The following TFDP2 variants were observed in gnomAD, a reference collection of about 807,000 sequenced individuals.
TFDP2 encodes transcription factor Dp-2 (E2F dimerization partner 2).
TFDP2 carries 17 observed loss-of-function variants against 59.3 expected under a neutral mutation model. That is an observed-to-expected ratio of 0.29 (90% confidence interval 0.20 to 0.43). TFDP2 has a LOEUF of 0.43. Ranked by LOEUF, TFDP2 falls within the 20% of genes least tolerant of loss-of-function variation. TFDP2 has a pLI of 1.00. For synonymous variants in TFDP2, 180 were observed against 194.7 expected (o/e 0.92, Z 0.63); for missense variants, 391 against 528.8 (o/e 0.74, Z 2.56).
At position 141,949,075 on chromosome 3, in the gene TFDP2, C is replaced by CAAAAAAA. The variant is rs3058539; in HGVS notation, c.*3431_*3437dup. The CAAAAAAA allele has an allele frequency of 1.2e-5, 1 of 85,474 alleles. No homozygotes were observed. Among genetic ancestry groups the CAAAAAAA allele is most frequent in the African/African-American group, 4.7e-5 (1 of 21,486 alleles). 5.3% of individuals were successfully genotyped at this position (85,474 alleles called of 1,614,324 possible). Reference sequence around the variant, plus strand: ...TGGGCAACAGAGCGAGACTCAGTCTCAAAAAAAAAAAAAAAAAAAAAAAAA... The same window carrying CAAAAAAA: ...TGGGCAACAGAGCGAGACTCAGTCTCAAAAAAAAAAAAAAAAAAAAAAAAAAAAAAAA... On this transcript the variant is annotated 3_prime_UTR_variant, in exon 13 of 13. Transcript: ENST00000489671.
At chr3:141,991,487 G>A (rs1403287219) in intron 6 of TFDP2, among the ~76,000 whole-genome samples, 3 of 152,178 alleles carry the variant, frequency 2.0e-5, no homozygotes, top group Non-Finnish European at 2.9e-5. Flanking sequence ...GGCCAGGTGT[G>A]GTGGCTCATG....
At chr3:142,013,673 T>C (rs1262703035) in intron 3 of TFDP2, among the ~76,000 whole-genome samples, 1 of 152,226 alleles carries the variant, frequency 6.6e-6, no homozygotes, top group Non-Finnish European at 1.5e-5. Flanking sequence ...TTATGCCAGA[T>C]CTTGGCACAG....
At chr3:142,066,955 C>T (rs185337986) in intron 3 of TFDP2, among the ~76,000 whole-genome samples, 1 of 152,192 alleles carries the variant, frequency 6.6e-6, no homozygotes, top group East Asian at 1.9e-4. Context: ...ATCCAAAAAC[C>T]ATTCATGTAT....
chr3:142,050,124 G>A (rs1464115846), intron 3 of TFDP2, among the ~76,000 whole-genome samples: 1 of 151,812 alleles, frequency 6.6e-6, no homozygotes, highest in East Asian at 1.9e-4. Flanking sequence ...AAAATTAGCT[G>A]GGCGTGGTGG....
intron 3 of TFDP2, among the ~76,000 whole-genome samples, chr3:142,074,365 T>C (rs1028999408): frequency 6.7e-6 from 1 of 150,004 alleles, no homozygotes; most frequent in African/African-American, 2.5e-5. Context: ...GTTGAGATTA[T>C]ACCACTGCAC....
intron 1 of TFDP2, among the ~76,000 whole-genome samples, chr3:142,147,429 T>C (rs907120): frequency 0.021 from 3,247 of 152,286 alleles, 125 homozygotes; most frequent in African/African-American, 0.073. Flanking sequence ...TCATCAGTTA[T>C]ATTGAGGGCA....
rs1376381115 is a variant in TFDP2, at chr3:142,050,269, A to AT, written c.82+42791_82+42792insA. On this transcript the variant is annotated intron_variant, in intron 3 of 12. Coordinates refer to ENST00000489671, the MANE Select transcript of TFDP2 (RefSeq NM_001178139.2). ...ACAGAGCAAGACTTCATCTCAAAAA[A>AT]AAAAAAATAATAAAAAAAAAAGATC... is the stretch of plus-strand genomic sequence containing the variant. 6.0e-4 allele frequency among the ~76,000 whole-genome samples: 90 copies of AT among 151,068 alleles called. 1 individual carries two copies. The highest frequency in any genetic ancestry group is 2.2e-3 in the African/African-American group (90 of 40,924).
At chr3:142,076,086 C>T (rs1308381624) in intron 3 of TFDP2, among the ~76,000 whole-genome samples, 1 of 151,434 alleles carries the variant, frequency 6.6e-6, no homozygotes, top group African/African-American at 2.4e-5. Context: ...TGGTGCATAC[C>T]TGTAATCCCA....
At chr3:142,092,986 T>A in intron 3 of TFDP2, 75 bp downstream of exon 3, 1 of 968,276 alleles carries the variant, frequency 1.0e-6, no homozygotes, top group Non-Finnish European at 1.5e-6. Flanking sequence ...AAGTAATTCA[T>A]GTAGCTGCAT....
At chr3:141,975,123 A>G (rs1326644117) in intron 7 of TFDP2, among the ~76,000 whole-genome samples, 1 of 151,834 alleles carries the variant, frequency 6.6e-6, no homozygotes, top group Non-Finnish European at 1.5e-5. Flanking sequence ...CATATTGGCC[A>G]GGCTGATCTT....
chr3:142,148,584 G>C (rs1195106384), intron 1 of TFDP2, among the ~76,000 whole-genome samples: 1 of 152,198 alleles, frequency 6.6e-6, no homozygotes, highest in African/African-American at 2.4e-5. Context: ...GCTGGTAAGA[G>C]AGACTGGGGC....
chr3:141,974,238 T>C, intron 7 of TFDP2, 47 bp from the exon 8 acceptor site: 2 of 1,501,344 alleles, frequency 1.3e-6, no homozygotes, highest in South Asian at 1.4e-5. Context: ...AGGGTTAAGA[T>C]ACAGTCACAT....
chr3:142,004,481 C>T (rs1944062670), intron 4 of TFDP2, among the ~76,000 whole-genome samples: 1 of 152,128 alleles, frequency 6.6e-6, no homozygotes, highest in Admixed American at 6.5e-5. Flanking sequence ...AGTACTTTTA[C>T]TAATGGTGGG....
intron 4 of TFDP2, among the ~76,000 whole-genome samples, chr3:141,995,890 A>C (rs1225386884): frequency 9.5e-6 from 1 of 105,034 alleles, no homozygotes; most frequent in Non-Finnish European, 2.1e-5. Flanking sequence ...TTTCAAAAAA[A>C]AAAAAAAAAA....
intron 3 of TFDP2, among the ~76,000 whole-genome samples, chr3:142,049,609 G>A (rs1317066013): frequency 2.0e-5 from 3 of 150,844 alleles, no homozygotes; most frequent in African/African-American, 7.3e-5. Flanking sequence ...AGAGGGCTTA[G>A]CCAGTGTAAT....
Position 142,101,771 on chromosome 3 carries a change from G to T in TFDP2, c.-22C>A. On this transcript the variant is annotated 5_prime_UTR_variant, in exon 2 of 13. Transcript: ENST00000489671. ...TCATGTCAAACTGTATTCTATTTAA[G>T]ATTCTGTAAAGCCATTAAAAAAATA... 1.5e-6 allele frequency: 2 copies of T among 1,301,822 alleles called. No homozygotes were observed. The highest frequency in any genetic ancestry group is 2.0e-6 in the Non-Finnish European group (2 of 989,652). 80.6% of individuals were successfully genotyped at this position (1,301,822 alleles called of 1,614,324 possible).
intron 1 of TFDP2, among the ~76,000 whole-genome samples, chr3:142,103,857 C>T (rs148668133): frequency 7.1e-4 from 108 of 151,656 alleles, no homozygotes; most frequent in African/African-American, 2.5e-3. Context: ...TTTGAATCTA[C>T]AAGTAAAATT....
At chr3:142,043,783 T>C (rs1277905670) in intron 3 of TFDP2, 1 of 1,597,678 alleles carries the variant, frequency 6.3e-7, no homozygotes, top group Non-Finnish European at 8.6e-7. Flanking sequence ...TGCCTTCAGC[T>C]TGTGGATGTG....
chr3:142,069,066 C>T (rs1184651196), intron 3 of TFDP2, among the ~76,000 whole-genome samples: 1 of 152,008 alleles, frequency 6.6e-6, no homozygotes, highest in Admixed American at 6.6e-5. Context: ...CAGGCGCACA[C>T]CACCATGCCT....
Sources: allele counts gnomAD v4.1 joint callset (sites outside exome capture counted in the v4.1 genomes callset), GRCh38; gene constraint gnomAD v4.1.1; transcripts MANE v1.5; gene names NCBI Gene and HGNC (gene_info 2026-07-23, HGNC 2026-07-21).